Variants in MRC1 observed in about 807,000 individuals in gnomAD.
MRC1 encodes macrophage mannose receptor 1.
A neutral mutation model predicts 102.9 loss-of-function variants in MRC1; 62 were observed. The ratio of observed to expected loss-of-function variants is 0.60; its 90% CI spans 0.49 to 0.74. The LOEUF (loss-of-function observed/expected upper bound fraction) is 0.74. Among genes scored for constraint, MRC1 ranks in the 30% least tolerant of loss-of-function variants. MRC1 has a pLI of 0.00. For synonymous variants in MRC1, 457 were observed against 298.4 expected (o/e 1.53, Z -5.48); for missense variants, 1,237 against 862.8 (o/e 1.43, Z -5.43).
At chr10:17,872,636 C>T (rs1316579657) in intron 15 of MRC1, among the ~76,000 whole-genome samples, 3 of 152,264 alleles carry the variant, frequency 2.0e-5, no homozygotes, top group South Asian at 2.1e-4. Context: ...CCAAACAATA[C>T]GCATGCTGAC....
At chr10:17,827,766 G>T in intron 3 of MRC1, 51 bp downstream of exon 3, 1 of 778,550 alleles carries the variant, frequency 1.3e-6, no homozygotes, top group Non-Finnish European at 2.4e-6. Context: ...GTCTGATAAT[G>T]TAGTGAAAGA....
At chr10:17,863,445 A>G (rs1011750427) in intron 10 of MRC1, 89 bp from the exon 11 acceptor site, 8 of 771,372 alleles carry the variant, frequency 1.0e-5, no homozygotes, top group Non-Finnish European at 1.9e-5. Flanking sequence ...GCTCAAACAT[A>G]GGACTGAGAT....
intron 23 of MRC1, 39 bp from the exon 24 acceptor site, chr10:17,897,995 T>C (rs1833778683): frequency 5.1e-6 from 4 of 780,666 alleles, no homozygotes; most frequent in Non-Finnish European, 9.6e-6. Context: ...TCAATTACTG[T>C]TTATTGATAA....
At chr10:17,841,343 A>G (rs1838746275) in intron 5 of MRC1, among the ~76,000 whole-genome samples, 1 of 152,228 alleles carries the variant, frequency 6.6e-6, no homozygotes, top group African/African-American at 2.4e-5. Flanking sequence ...TTTAACATCT[A>G]CATTAACACC....
intron 5 of MRC1, among the ~76,000 whole-genome samples, chr10:17,842,611 A>T (rs1173754941): frequency 2.0e-5 from 3 of 152,200 alleles, no homozygotes; most frequent in African/African-American, 7.2e-5. Flanking sequence ...AGCCAGATGC[A>T]ATTAGAGAAT....
At chr10:17,867,434 T>G (rs1833292851) in intron 12 of MRC1, among the ~76,000 whole-genome samples, 1 of 150,876 alleles carries the variant, frequency 6.6e-6, no homozygotes, top group Non-Finnish European at 1.5e-5. Context: ...TCCTTCTCTT[T>G]CTTTCTCCAG....
intron 15 of MRC1, among the ~76,000 whole-genome samples, chr10:17,872,649 C>A (rs1833370498): frequency 6.6e-6 from 1 of 152,188 alleles, no homozygotes; most frequent in Non-Finnish European, 1.5e-5. Flanking sequence ...ATGCTGACAG[C>A]CATTATCTGT....
intron 2 of MRC1, among the ~76,000 whole-genome samples, chr10:17,826,652 T>A (rs1372093646): frequency 6.6e-6 from 1 of 152,242 alleles, no homozygotes; most frequent in Non-Finnish European, 1.5e-5. Context: ...AATGTAGCTA[T>A]GTGCATTGTT....
Position 17,856,274 on chromosome 10 carries a change from G to A in MRC1, c.1440G>A (p.Trp480Ter). 1.2e-6 allele frequency: 1 copy of A among 867,394 alleles called. No individual in the cohort carries two copies. Among genetic ancestry groups the A allele is most frequent in the Non-Finnish European group, 2.0e-6 (1 of 499,366 alleles). The allele number at this position is 867,394 out of a possible 1,614,324, so 53.7% of individuals were successfully genotyped here. Reference protein sequence around the residue: ...DGYWADRGCEWPLGYICKMKS... With the variant: ...DGYWADRGCE Reference sequence around the variant, plus strand: ...ACTGGGCAGATCGGGGCTGTGAGTGGCCTCTTGGCTACATCTGCAAGATGA... The same window carrying A: ...ACTGGGCAGATCGGGGCTGTGAGTGACCTCTTGGCTACATCTGCAAGATGA... Residue 480 changes from tryptophan to a stop codon, truncating the protein, a stop_gained, in exon 9 of 30, where the codon TGG (tryptophan) becomes TGA (stop). Transcript: ENST00000569591. LOFTEE classifies it high-confidence loss of function.
chr10:17,809,429 C>T lies in MRC1; in HGVS notation c.-37C>T, dbSNP rs1465741383. The T allele has an allele frequency of 2.3e-6, 2 of 872,466 alleles. No homozygotes were observed. The highest frequency in any genetic ancestry group is 1.6e-5 in the African/African-American group (1 of 61,298). The allele number at this position is 872,466 out of a possible 1,614,324, so 54.0% of individuals were successfully genotyped here. A position where few individuals can be genotyped will look rare whatever the true frequency, so the allele number is the denominator to read the frequency against. On this transcript the variant is annotated 5_prime_UTR_variant, in exon 1 of 30. Transcript: ENST00000569591. ...TGTTTTGCGTCTTAGTTCCGCCCTCCTGTCCATCAGGAGAAGGAAAGGATA... is the reference window on the plus strand; with the variant it reads ...TGTTTTGCGTCTTAGTTCCGCCCTCTTGTCCATCAGGAGAAGGAAAGGATA...
intron 9 of MRC1, among the ~76,000 whole-genome samples, chr10:17,858,618 G>A (rs1323236309): frequency 6.6e-6 from 1 of 152,186 alleles, no homozygotes; most frequent in Non-Finnish European, 1.5e-5. Flanking sequence ...CTCCTGAGTA[G>A]CTGGGACTAT....
At chr10:17,816,041 C>G (rs559004663) in intron 1 of MRC1, among the ~76,000 whole-genome samples, 22 of 152,258 alleles carry the variant, frequency 1.4e-4, no homozygotes, top group African/African-American at 4.8e-4. Context: ...CCAGGCTGAT[C>G]TCGAACTCCT....
At chr10:17,897,035 CA>C (rs1833763556) in intron 23 of MRC1, among the ~76,000 whole-genome samples, 5 of 152,178 alleles carry the variant, frequency 3.3e-5, no homozygotes, top group Admixed American at 1.3e-4. Context: ...AATACACAAA[CA>C]AATGAATGTG....
chr10:17,853,040 C>T lies in MRC1; in HGVS notation c.1323C>T (p.Thr441=), dbSNP rs1242137541. The T allele has an allele frequency of 2.6e-6, 2 of 780,570 alleles. No homozygotes were observed. Among genetic ancestry groups the T allele is most frequent in the Non-Finnish European group, 4.8e-6 (2 of 417,934 alleles). The allele number at this position is 780,570 out of a possible 1,614,324, so 48.4% of individuals were successfully genotyped here. The change falls in exon 8 of 30, where the codon ACC becomes ACT. Residue 441 remains threonine, a synonymous_variant. Coordinates refer to ENST00000569591, the MANE Select transcript of MRC1 (RefSeq NM_002438.4). ...IQMYFEWSDG[T]PVTFTKWLRG... Reference sequence around the variant, plus strand: ...TGTACTTTGAGTGGAGTGATGGGACCCCTGTAACGTTTACCAAATGGCTTC... The same window carrying T: ...TGTACTTTGAGTGGAGTGATGGGACTCCTGTAACGTTTACCAAATGGCTTC...
intron 10 of MRC1, among the ~76,000 whole-genome samples, 192 bp downstream of exon 10, chr10:17,861,694 A>G (rs1185370489): frequency 6.6e-6 from 1 of 152,208 alleles, no homozygotes; most frequent in African/African-American, 2.4e-5. Flanking sequence ...TTTTTGCTAA[A>G]TTTAGTAGTA....
intron 27 of MRC1, 37 bp downstream of exon 27, chr10:17,907,036 T>C (rs1833904525): frequency 1.7e-5 from 13 of 778,718 alleles, no homozygotes; most frequent in Admixed American, 5.1e-5. Context: ...TCACAAATAT[T>C]GTAAAATGTT....
rs1833576055 is a variant in MRC1 at position 17,885,284 on chromosome 10, A to T, written c.2996A>T (p.His999Leu). ...TTTCTTTCAGCATTTCTTACCTATC[A>T]CATGAAGGACTCCACTTTCAGTGCC... ...NEKEQAFLTY[H>L]MKDSTFSAWT... The change falls in exon 22 of 30, where the codon CAC becomes CTC. Residue 999 changes from histidine to leucine, a missense_variant. Coordinates refer to ENST00000569591, the MANE Select transcript of MRC1 (RefSeq NM_002438.4). The T allele has an allele frequency of 1.3e-6, 1 of 780,874 alleles. No individual in the cohort carries two copies. The highest frequency in any genetic ancestry group is 2.4e-5 in the East Asian group (1 of 41,254). 48.4% of individuals were successfully genotyped at this position (780,874 alleles called of 1,614,324 possible).
intron 29 of MRC1, among the ~76,000 whole-genome samples, chr10:17,909,628 A>T (rs1833942775): frequency 6.7e-6 from 1 of 150,260 alleles, no homozygotes; most frequent in Non-Finnish European, 1.5e-5. Flanking sequence ...TTCTCTTAAG[A>T]ATCTCTGTGG....
chr10:17,910,152 C>G (rs1390214356), intron 29 of MRC1, 63 bp from the exon 30 acceptor site: 1 of 778,368 alleles, frequency 1.3e-6, no homozygotes, highest in African/African-American at 1.7e-5. Context: ...AAGCGAAGTT[C>G]TGCATAGCAT....
Sources: gnomAD v4.1 joint callset for allele counts (sites outside exome capture counted in the v4.1 genomes callset) on GRCh38, gnomAD v4.1.1 for gene constraint, MANE v1.5 for transcripts, NCBI Gene and HGNC (gene_info 2026-07-23, HGNC 2026-07-21) for gene names.